HOXC6: variants seen among roughly 807,000 people sequenced by gnomAD.
The protein encoded by HOXC6 is homeobox protein Hox-C6.
HOXC6 carries 10 observed loss-of-function variants against 24.0 expected under a neutral mutation model. That is an observed-to-expected ratio of 0.42 (90% CI 0.26 to 0.71). The LOEUF (loss-of-function observed/expected upper bound fraction) is 0.71, where lower values mean the gene tolerates loss of function less well. HOXC6 is among the 30% of genes least tolerant of loss of function. The probability of loss-of-function intolerance (pLI) is 0.28; values close to 1 mark genes in which losing one functional copy is unlikely to be tolerated. For missense variants in HOXC6, 258 were observed against 303.4 expected, an observed-to-expected ratio of 0.85 and a Z score of 1.11; for synonymous variants, 123 against 128.1, an observed-to-expected ratio of 0.96 and a Z score of 0.27.
chr12:54,029,657 G>C lies in HOXC6; in HGVS notation c.403G>C (p.Val135Leu). The C allele has an allele frequency of 6.2e-7, 1 of 1,611,260 alleles. No homozygotes were observed. Among genetic ancestry groups the C allele is most frequent in the Non-Finnish European group, 8.5e-7 (1 of 1,178,002 alleles). ...WMQRMNSHSG[V>L]GYGADRRRGR... ...GTGTTTTGTGCCCGGATCTTTAGGG[G>C]TCGGCTACGGAGCGGACCGGAGGCG... Residue 135 changes from valine (V) to leucine (L), a missense_variant and splice_region_variant, in exon 2 of 2, where the codon GTC (valine) becomes CTC (leucine). Val to Leu is a conservative substitution (Grantham distance 32). Coordinates refer to ENST00000243108, the MANE Select transcript of HOXC6 (RefSeq NM_004503.4).
In HOXC6 at chr12:54,023,236, G is replaced by A. The variant is rs549883778; in HGVS notation, c.-192-5340G>A. ...TTTTTCCAGATGGAGCTGGAAGGGGGCTCAGGGCTGAGCGTGATGGGGTAG... is the reference window on the plus strand; with the variant it reads ...TTTTTCCAGATGGAGCTGGAAGGGGACTCAGGGCTGAGCGTGATGGGGTAG... On this transcript the variant is annotated intron_variant, in intron 1 of 2. Coordinates refer to the HOXC6 transcript ENST00000394331. Among the ~76,000 whole-genome samples, 84 of 152,324 alleles carry A rather than the reference G, an allele frequency of 5.5e-4. 1 individual carries two copies. Among genetic ancestry groups the A allele is most frequent in the African/African-American group, 2.0e-3 (83 of 41,562 alleles).
Position 54,029,883 on chromosome 12 carries a change from G to A in HOXC6, c.629G>A (p.Gly210Asp), listed in dbSNP as rs1337060472. The change falls in exon 2 of 2, where the codon GGC (glycine) becomes GAC (aspartate). Residue 210 changes from glycine (G) to aspartate (D), a missense_variant. Coordinates refer to ENST00000243108, the MANE Select transcript of HOXC6 (RefSeq NM_004503.4). The part of the protein sequence containing the change: ...SNLTSTLSGG[G>D]GGATADSLGG... ...CTCACATCCACTCTCTCGGGGGGCG[G>A]CGGAGGGGCCACCGCCGACAGCCTG... 4 of 1,602,412 alleles carry A rather than the reference G, an allele frequency of 2.5e-6. No homozygotes were observed. Among genetic ancestry groups the A allele is most frequent in the Non-Finnish European group, 3.4e-6 (4 of 1,175,414 alleles).
chr12:54,020,002 GGACTCCAACA>G (rs1318821761), intron 1 of HOXC6: 1 of 152,092 alleles, frequency 6.6e-6, no homozygotes, highest in African/African-American at 2.4e-5. Flanking sequence ...GGACCCCAGT[GGACTCCAACA>G]CCAACTCTCT....
upstream of HOXC6, among the ~76,000 whole-genome samples, chr12:54,024,600 G>C (rs112208816): frequency 3.2e-3 from 494 of 152,312 alleles, 1 homozygote; most frequent in Non-Finnish European, 5.5e-3. Flanking sequence ...TCCCAGAGCT[G>C]AGTGGAAAGC....
At chr12:54,024,609 G>A (rs1247595486), upstream of HOXC6, among the ~76,000 whole-genome samples, 2 of 152,198 alleles carry the variant, frequency 1.3e-5, no homozygotes, top group East Asian at 1.9e-4. Context: ...TGAGTGGAAA[G>A]CAAAGGCCAG....
At chr12:54,019,371 T>C (rs922822629) in intron 1 of HOXC6, among the ~76,000 whole-genome samples, 2 of 152,032 alleles carry the variant, frequency 1.3e-5, no homozygotes, top group African/African-American at 4.8e-5. Flanking sequence ...GGATCCAGCC[T>C]GCGGCAGGCC....
chr12:54,027,536 G>C (rs1940775073), upstream of HOXC6, among the ~76,000 whole-genome samples: 1 of 152,212 alleles, frequency 6.6e-6, no homozygotes, highest in Non-Finnish European at 1.5e-5. Flanking sequence ...TCTCTAGAAA[G>C]ATTCTCAGAG....
rs1391529492 is a variant in HOXC6 at position 54,029,849 on chromosome 12, G to T, written c.595G>T (p.Glu199Ter). The T allele has an allele frequency of 6.2e-7, 1 of 1,614,052 alleles. No individual in the cohort carries two copies. The stretch of plus-strand genomic sequence containing the variant: ...GAACCGCCGGATGAAGTGGAAAAAA[G>T]AATCTAATCTCACATCCACTCTCTC... ...FQNRRMKWKK[E>*]SNLTSTLSGG... The change falls in exon 2 of 2, where the codon GAA becomes TAA. Residue 199 changes from glutamate (E) to a stop codon, truncating the protein, a stop_gained. Transcript: ENST00000243108. LOFTEE classifies it high-confidence loss of function.
chr12:54,018,130 C>G (rs1329974542), intron 1 of HOXC6, among the ~76,000 whole-genome samples: 1 of 152,064 alleles, frequency 6.6e-6, no homozygotes, highest in Non-Finnish European at 1.5e-5. Flanking sequence ...GTGGGAGGTG[C>G]CCTGCGTTGG....
At chr12:54,029,419 C>CG (rs1414469876) in intron 1 of HOXC6, among the ~76,000 whole-genome samples, 1 of 140,970 alleles carries the variant, frequency 7.1e-6, no homozygotes, top group Admixed American at 6.9e-5. Flanking sequence ...CCGCCCCCCC[C>CG]CCCACCACAC....
chr12:54,022,382 C>G (rs1162853023), intron 1 of HOXC6: 1 of 152,172 alleles, frequency 6.6e-6, no homozygotes, highest in Admixed American at 6.5e-5. Context: ...CTATATGTCT[C>G]CAATCCTGCC....
In HOXC6 at chr12:54,028,628, A is replaced by G. The variant is rs945202736; in HGVS notation, c.107A>G (p.His36Arg). 1.2e-6 allele frequency: 2 copies of G among 1,614,026 alleles called. No homozygotes were observed. The highest frequency in any genetic ancestry group is 1.7e-6 in the Non-Finnish European group (2 of 1,179,996). ...TCCACCGCCTATGATCCAGTGAGGC[A>G]TTTCTCGACCTATGGAGCGGCCGTT... ...LNSTAYDPVR[H>R]FSTYGAAVAQ... is the part of the protein sequence containing the mutation. Residue 36 changes from histidine to arginine, a missense_variant, in exon 1 of 2, where the codon CAT (histidine) becomes CGT (arginine). Physicochemically the swap from His to Arg is conservative, Grantham distance 29. Coordinates refer to ENST00000243108, the MANE Select transcript of HOXC6 (RefSeq NM_004503.4).
chr12:54,020,234 T>C (rs1246746820), intron 1 of HOXC6: 2 of 152,248 alleles, frequency 1.3e-5, no homozygotes, highest in African/African-American at 4.8e-5. Flanking sequence ...GCTCAAGGAC[T>C]CTGCACACCC....
At chr12:54,017,562 G>C (rs1804620248) in intron 1 of HOXC6, 1 of 152,148 alleles carries the variant, frequency 6.6e-6, no homozygotes, top group East Asian at 1.9e-4. Context: ...AAAATTGGCG[G>C]GGGGAGAGAA....
In HOXC6 at chr12:54,028,568, G is replaced by A; in HGVS notation, c.47G>A (p.Gly16Glu). The A allele has an allele frequency of 6.2e-7, 1 of 1,614,036 alleles. No individual in the cohort carries two copies. Among genetic ancestry groups the A allele is most frequent in the South Asian group, 1.1e-5 (1 of 91,076 alleles). ...CCTTCCTTATCCTGCCACCTCGCCG[G>A]GGGCCAGGACGTCCTCCCCAACGTC... The part of the protein sequence containing the change: ...TNPSLSCHLA[G>E]GQDVLPNVAL... The change falls in exon 1 of 2, where the codon GGG becomes GAG. Residue 16 changes from glycine to glutamate, a missense_variant. Transcript: ENST00000243108.
At chr12:54,019,184 C>G (rs1016705676) in intron 1 of HOXC6, among the ~76,000 whole-genome samples, 93 of 136,336 alleles carry the variant, frequency 6.8e-4, no homozygotes, top group Non-Finnish European at 1.1e-3. Context: ...CCCACCCCCC[C>G]ACCCCCAGTA....
At position 54,029,854 on chromosome 12, in the gene HOXC6, T is replaced by G. The variant is rs983478792; in HGVS notation, c.600T>G (p.Ser200=). Residue 200 remains serine (S), a synonymous_variant, in exon 2 of 2, where the codon TCT becomes TCG. Coordinates refer to ENST00000243108, the MANE Select transcript of HOXC6 (RefSeq NM_004503.4). ...QNRRMKWKKE[S]NLTSTLSGGG... ...GCCGGATGAAGTGGAAAAAAGAATC[T>G]AATCTCACATCCACTCTCTCGGGGG... The G allele has an allele frequency of 6.2e-7, 1 of 1,613,514 alleles. No individual in the cohort carries two copies. Among genetic ancestry groups the G allele is most frequent in the South Asian group, 1.1e-5 (1 of 91,034 alleles).
At chr12:54,025,954 A>T (rs183467932), upstream of HOXC6, among the ~76,000 whole-genome samples, 50 of 152,154 alleles carry the variant, frequency 3.3e-4, no homozygotes, top group African/African-American at 1.1e-3. Flanking sequence ...CCACCCAGAC[A>T]TAAAAGAGAT....
At chr12:54,017,284 T>G (rs1239778686) in exon 1 of HOXC6, 1 of 152,184 alleles carries the variant, frequency 6.6e-6, no homozygotes, top group Non-Finnish European at 1.5e-5. Context: ...TTTTTGAATT[T>G]ATATAAAGTA....
Sources: allele counts gnomAD v4.1 joint callset (sites outside exome capture counted in the v4.1 genomes callset), GRCh38; gene constraint gnomAD v4.1.1; transcripts MANE v1.5; gene names NCBI Gene and HGNC (gene_info 2026-07-23, HGNC 2026-07-21).